COX7B2: variants seen among roughly 807,000 people sequenced by gnomAD.
COX7B2 encodes the protein cytochrome c oxidase subunit 7B2.
For synonymous variants in COX7B2, 37 were observed against 32.1 expected (o/e 1.15, Z -0.51); for missense variants, 109 against 95.9 (o/e 1.14, Z -0.57).
intron 1 of COX7B2, among the ~76,000 whole-genome samples, chr4:46,863,996 C>A (rs1284797368): frequency 1.3e-5 from 2 of 152,168 alleles, no homozygotes; most frequent in African/African-American, 2.4e-5. Context: ...AGGGGCCGGA[C>A]ATGCCTCACT....
chr4:46,829,380 C>A (rs890755784), intron 2 of COX7B2, among the ~76,000 whole-genome samples: 2 of 152,016 alleles, frequency 1.3e-5, no homozygotes, highest in Non-Finnish European at 2.9e-5. Context: ...TCAGTTTGCA[C>A]CCACTTTTAT....
At chr4:46,819,058 A>G (rs1714078058) in intron 2 of COX7B2, among the ~76,000 whole-genome samples, 1 of 152,238 alleles carries the variant, frequency 6.6e-6, no homozygotes, top group Non-Finnish European at 1.5e-5. Context: ...GTATGTTCAC[A>G]ATCACCTCGA....
At chr4:46,760,892 T>C (rs1433977320) in intron 2 of COX7B2, among the ~76,000 whole-genome samples, 5 of 152,122 alleles carry the variant, frequency 3.3e-5, no homozygotes, top group Admixed American at 2.0e-4. Flanking sequence ...AGAAAGAATA[T>C]GAAAAAAGTT....
intron 1 of COX7B2, among the ~76,000 whole-genome samples, chr4:46,880,127 T>G (rs1321346872): frequency 1.3e-5 from 2 of 152,188 alleles, no homozygotes; most frequent in Admixed American, 6.5e-5. Context: ...GGCAGGTTCC[T>G]TCAATATGGT....
At chr4:46,883,789 A>AC (rs1447950099) in intron 1 of COX7B2, among the ~76,000 whole-genome samples, 1 of 150,950 alleles carries the variant, frequency 6.6e-6, no homozygotes, top group Non-Finnish European at 1.5e-5. Flanking sequence ...AAAAAAAAAA[A>AC]CCTGAACATT....
At chr4:46,861,916 T>C (rs1315208913) in intron 1 of COX7B2, among the ~76,000 whole-genome samples, 1 of 152,174 alleles carries the variant, frequency 6.6e-6, no homozygotes, top group East Asian at 1.9e-4. Flanking sequence ...CCCAAGGTCA[T>C]GAGACACCCC....
intron 2 of COX7B2, among the ~76,000 whole-genome samples, chr4:46,832,325 G>A (rs1168804794): frequency 6.6e-6 from 1 of 152,054 alleles, no homozygotes; most frequent in African/African-American, 2.4e-5. Context: ...ACAAACTCCA[G>A]ACACGCCGCC....
intron 1 of COX7B2, among the ~76,000 whole-genome samples, chr4:46,866,272 A>G (rs1359935742): frequency 6.6e-6 from 1 of 152,176 alleles, no homozygotes; most frequent in East Asian, 1.9e-4. Flanking sequence ...GAATTTGGGG[A>G]AAATACCTCT....
At chr4:46,830,783 T>A (rs998229638) in intron 2 of COX7B2, among the ~76,000 whole-genome samples, 2 of 152,314 alleles carry the variant, frequency 1.3e-5, no homozygotes, top group South Asian at 4.1e-4. Context: ...TGGCTGAAAG[T>A]CTCTGCAAAT....
chr4:46,757,423 T>C (rs775911929), intron 2 of COX7B2, among the ~76,000 whole-genome samples: 28 of 152,126 alleles, frequency 1.8e-4, no homozygotes, highest in Non-Finnish European at 3.1e-4. Flanking sequence ...AACATATGCA[T>C]GTAAGAAACC....
chr4:46,736,170 CTTATG>C (rs1284765154), intron 2 of COX7B2, among the ~76,000 whole-genome samples: 4 of 152,118 alleles, frequency 2.6e-5, no homozygotes, highest in Non-Finnish European at 5.9e-5. Flanking sequence ...CTGTGCTCTG[CTTATG>C]TTACCGAAAC....
chr4:46,896,541 T>A (rs1719772444), intron 1 of COX7B2, among the ~76,000 whole-genome samples: 1 of 152,186 alleles, frequency 6.6e-6, no homozygotes, highest in East Asian at 1.9e-4. Flanking sequence ...TTGATCATTT[T>A]TTAAAAGACT....
At chr4:46,772,901 T>C (rs372309212) in intron 2 of COX7B2, among the ~76,000 whole-genome samples, 154 of 152,264 alleles carry the variant, frequency 1.0e-3, no homozygotes, top group African/African-American at 3.5e-3. Context: ...GTTAGTTTGG[T>C]GGGCTTTAAA....
chr4:46,829,957 C>A lies in COX7B2; in HGVS notation c.-50+15003G>T, dbSNP rs958607181. On this transcript the variant is annotated intron_variant, in intron 2 of 2. Coordinates refer to ENST00000355591, the MANE Select transcript of COX7B2 (RefSeq NM_130902.3). The stretch of plus-strand genomic sequence containing the variant: ...TGGAGAATGTGAAGAAATAATTAAA[C>A]GGAGAAATTGGTTGTAAGTTATGGC... 1.3e-5 allele frequency among the ~76,000 whole-genome samples: 2 copies of A among 151,910 alleles called. 1 individual carries two copies. The highest frequency in any genetic ancestry group is 2.9e-5 in the Non-Finnish European group (2 of 67,982).
intron 1 of COX7B2, among the ~76,000 whole-genome samples, chr4:46,867,814 A>T (rs751943738): frequency 2.6e-5 from 4 of 152,198 alleles, no homozygotes; most frequent in Non-Finnish European, 5.9e-5. Context: ...TTCATCAAGA[A>T]TATTGGCCTG....
chr4:46,769,515 G>A (rs1313582897), intron 2 of COX7B2, among the ~76,000 whole-genome samples: 1 of 152,072 alleles, frequency 6.6e-6, no homozygotes, highest in Non-Finnish European at 1.5e-5. Flanking sequence ...AGGAGTTTGG[G>A]ACCAGCCTGG....
At chr4:46,786,525 T>G (rs982238163) in intron 2 of COX7B2, among the ~76,000 whole-genome samples, 1 of 152,212 alleles carries the variant, frequency 6.6e-6, no homozygotes, top group Non-Finnish European at 1.5e-5. Flanking sequence ...ATTTTTCTCA[T>G]GTATAATAGT....
At chr4:46,780,374 G>A (rs1717382292) in intron 2 of COX7B2, among the ~76,000 whole-genome samples, 1 of 152,170 alleles carries the variant, frequency 6.6e-6, no homozygotes, top group African/African-American at 2.4e-5. Flanking sequence ...AAAATTAGCA[G>A]GGCGTGATGA....
At chr4:46,854,158 C>T (rs545135140) in intron 1 of COX7B2, among the ~76,000 whole-genome samples, 49 of 152,192 alleles carry the variant, frequency 3.2e-4, no homozygotes, top group African/African-American at 1.2e-3. Context: ...TTAACATATG[C>T]ATCAATATGT....
Sources: allele counts gnomAD v4.1 joint callset (sites outside exome capture counted in the v4.1 genomes callset), GRCh38; gene constraint gnomAD v4.1.1; transcripts MANE v1.5; gene names NCBI Gene and HGNC (gene_info 2026-07-23, HGNC 2026-07-21).